Variants in EYS observed in about 807,000 individuals in gnomAD.
The protein encoded by EYS is protein eyes shut homolog.
In EYS, 250 loss-of-function variants were observed where a neutral mutation model predicts 282.1. The observed-to-expected ratio is 0.89, with a 90% CI of 0.80 to 0.98. The LOEUF (loss-of-function observed/expected upper bound fraction) is 0.98. Among genes scored for constraint, EYS ranks in the 50% least tolerant of loss-of-function variants. The pLI is 0.00. For missense variants in EYS, 4,016 were observed against 3,709.0 expected (o/e 1.08, Z -2.15); for synonymous variants, 1,355 against 1,282.9 (o/e 1.06, Z -1.20).
At chr6:64,891,522 G>A (rs1442848527) in intron 18 of EYS, among the ~76,000 whole-genome samples, 2 of 152,028 alleles carry the variant, frequency 1.3e-5, no homozygotes, top group African/African-American at 4.8e-5. Context: ...AAAGTGCCTA[G>A]GGTATGTCTG....
chr6:65,110,514 A>G (rs1169889892), intron 12 of EYS, among the ~76,000 whole-genome samples: 1 of 152,118 alleles, frequency 6.6e-6, no homozygotes, highest in Non-Finnish European at 1.5e-5. Context: ...TTCTTGAAAA[A>G]TGACAAGATG....
At chr6:65,113,304 C>A (rs1162477580) in intron 12 of EYS, among the ~76,000 whole-genome samples, 3 of 151,988 alleles carry the variant, frequency 2.0e-5, no homozygotes, top group African/African-American at 7.2e-5. Flanking sequence ...AAGACTCTCT[C>A]TGTGAAGAAT....
At chr6:64,349,557 C>T (rs773170632) in intron 29 of EYS, among the ~76,000 whole-genome samples, 1 of 151,112 alleles carries the variant, frequency 6.6e-6, no homozygotes, top group Non-Finnish European at 1.5e-5. Flanking sequence ...GTTAATGATT[C>T]TATAAAATAA....
At chr6:65,064,085 T>C (rs1368292200) in intron 12 of EYS, among the ~76,000 whole-genome samples, 1 of 148,002 alleles carries the variant, frequency 6.8e-6, no homozygotes, top group Non-Finnish European at 1.5e-5. Context: ...TACAGTAACA[T>C]ACTTTGCTAC....
At chr6:65,065,384 A>AT (rs34618936) in intron 12 of EYS, among the ~76,000 whole-genome samples, 21,798 of 142,938 alleles carry the variant, frequency 0.15, 1,860 homozygotes, top group Non-Finnish European at 0.2. Context: ...GAAAAAAACA[A>AT]TTTTTTTTTT....
At chr6:65,472,915 TCCTAAGGTC>T (rs1414815344) in intron 5 of EYS, among the ~76,000 whole-genome samples, 3 of 151,914 alleles carry the variant, frequency 2.0e-5, no homozygotes, top group Non-Finnish European at 2.9e-5. Context: ...GGGTCCAAAC[TCCTAAGGTC>T]CCTAGGTTAT....
intron 29 of EYS, among the ~76,000 whole-genome samples, chr6:64,316,682 T>G (rs575223503): frequency 2.1e-4 from 32 of 152,318 alleles, no homozygotes; most frequent in African/African-American, 6.7e-4. Context: ...AAGCTACCAT[T>G]GATTTTCTTC....
chr6:65,219,540 AG>A (rs1766406204), intron 12 of EYS, among the ~76,000 whole-genome samples: 1 of 152,050 alleles, frequency 6.6e-6, no homozygotes, highest in Non-Finnish European at 1.5e-5. Context: ...TCAAGTATTA[AG>A]AAATATACCA....
At chr6:64,699,316 T>G (rs1403973999) in intron 22 of EYS, among the ~76,000 whole-genome samples, 1 of 151,792 alleles carries the variant, frequency 6.6e-6, no homozygotes, top group East Asian at 1.9e-4. Context: ...GTCATGGGAG[T>G]CTACTTGAGG....
At chr6:64,479,835 A>AT (rs1319260774) in intron 26 of EYS, among the ~76,000 whole-genome samples, 1 of 151,856 alleles carries the variant, frequency 6.6e-6, no homozygotes, top group African/African-American at 2.4e-5. Flanking sequence ...AATAAAGTTT[A>AT]TTTTTTTCAT....
intron 41 of EYS, among the ~76,000 whole-genome samples, chr6:63,736,090 T>C (rs566701136): frequency 8.3e-4 from 126 of 152,310 alleles, no homozygotes; most frequent in African/African-American, 2.9e-3. Flanking sequence ...TAAAATTCTG[T>C]GTTTTCCCAT....
chr6:64,389,101 C>T (rs534149227), intron 28 of EYS, among the ~76,000 whole-genome samples: 114 of 152,188 alleles, frequency 7.5e-4, no homozygotes, highest in Middle Eastern at 6.9e-3. Flanking sequence ...AGATCTTTCT[C>T]AATTGTAACT....
intron 28 of EYS, among the ~76,000 whole-genome samples, chr6:64,390,109 G>A (rs1561966379): frequency 6.6e-6 from 1 of 152,076 alleles, no homozygotes; most frequent in African/African-American, 2.4e-5. Flanking sequence ...CCCGCACCTG[G>A]CTCCGAGGGT....
rs992812478 is a variant in EYS at position 65,620,354 on chromosome 6, A to G, written c.-333+19424T>C. ...AGTTTATTTGCGTAGAGGTGTTTGT[A>G]GTATTCTCTGATGGTAGTTTGTATT... On this transcript the variant is annotated intron_variant, in intron 2 of 42. Coordinates refer to ENST00000503581, the MANE Select transcript of EYS (RefSeq NM_001142800.2). Among the ~76,000 whole-genome samples the G allele has an allele frequency of 8.3e-4, 127 of 152,248 alleles. 1 individual carries two copies. Among genetic ancestry groups the G allele is most frequent in the African/African-American group, 3.0e-3 (123 of 41,540 alleles).
chr6:65,458,671 G>A (rs574932309), intron 5 of EYS, among the ~76,000 whole-genome samples: 128 of 152,186 alleles, frequency 8.4e-4, no homozygotes, highest in Admixed American at 2.5e-3. Flanking sequence ...ATTTAATCAA[G>A]TACATGTAAT....
chr6:65,434,696 G>A (rs900385230), intron 5 of EYS, among the ~76,000 whole-genome samples: 3 of 151,788 alleles, frequency 2.0e-5, no homozygotes, highest in Admixed American at 6.6e-5. Context: ...GCTGCATAGC[G>A]CCTAAAATCT....
chr6:65,674,100 A>G (rs1768492577), intron 1 of EYS, among the ~76,000 whole-genome samples: 1 of 152,008 alleles, frequency 6.6e-6, no homozygotes, highest in Non-Finnish European at 1.5e-5. Flanking sequence ...TTGAAATGAC[A>G]AGCAAAAAGA....
chr6:64,821,806 T>C, intron 20 of EYS, 83 bp from the exon 21 acceptor site: 1 of 813,046 alleles, frequency 1.2e-6, no homozygotes, highest in South Asian at 1.8e-5. Flanking sequence ...TTTAAACTTT[T>C]CTTTCCTAGT....
chr6:64,573,520 T>C (rs1765789819), intron 26 of EYS, among the ~76,000 whole-genome samples: 1 of 152,078 alleles, frequency 6.6e-6, no homozygotes, highest in Non-Finnish European at 1.5e-5. Context: ...AAGTTTTCCA[T>C]TCAATCCATC....
Sources: allele counts gnomAD v4.1 joint callset (sites outside exome capture counted in the v4.1 genomes callset), GRCh38; gene constraint gnomAD v4.1.1; transcripts MANE v1.5; gene names NCBI Gene and HGNC (gene_info 2026-07-23, HGNC 2026-07-21).